The following PCDHA9 variants were observed in gnomAD, a reference collection of about 807,000 sequenced individuals.
PCDHA9 encodes the protein protocadherin alpha-9.
A neutral mutation model predicts 62.0 loss-of-function variants in PCDHA9; 62 were observed. That is an observed-to-expected ratio of 1.00 (90% CI 0.81 to 1.23). PCDHA9 has a LOEUF of 1.23. Ranked by LOEUF, PCDHA9 falls within the 50% of genes most tolerant of loss-of-function variation. The probability of loss-of-function intolerance (pLI) is 0.00; values close to 1 mark genes in which losing one functional copy is unlikely to be tolerated. For missense variants in PCDHA9, 1,205 were observed against 1,249.8 expected, an observed-to-expected ratio of 0.96 and a Z score of 0.54; for synonymous variants, 557 against 567.6, an observed-to-expected ratio of 0.98 and a Z score of 0.27.
chr5:140,892,218 T>C (rs182162644), intron 1 of PCDHA9, among the ~76,000 whole-genome samples: 23 of 152,308 alleles, frequency 1.5e-4, no homozygotes, highest in Admixed American at 1.4e-3. Context: ...ATTGTATCTT[T>C]ATGGTGTTTT....
chr5:140,964,133 G>A (rs2095812042), intron 1 of PCDHA9, among the ~76,000 whole-genome samples: 1 of 152,182 alleles, frequency 6.6e-6, no homozygotes, highest in African/African-American at 2.4e-5. Context: ...AACTAGTAAG[G>A]TTGGCAGGAG....
chr5:140,943,751 T>C (rs947548745), intron 1 of PCDHA9, among the ~76,000 whole-genome samples: 1 of 152,048 alleles, frequency 6.6e-6, no homozygotes, highest in South Asian at 2.1e-4. Flanking sequence ...CTAAAAGCAG[T>C]AGGAGATGTA....
At chr5:140,939,768 G>A (rs1241071492) in intron 1 of PCDHA9, among the ~76,000 whole-genome samples, 1 of 152,162 alleles carries the variant, frequency 6.6e-6, no homozygotes, top group Non-Finnish European at 1.5e-5. Context: ...TAGTATTTCA[G>A]GGTGTGAATG....
intron 1 of PCDHA9, chr5:140,875,267 C>A: frequency 1.7e-6 from 2 of 1,211,108 alleles, no homozygotes; most frequent in Non-Finnish European, 2.2e-6. Context: ...TGTCGCTCTA[C>A]ACTCAGAAGG....
At chr5:140,899,974 C>A (rs2067653485) in intron 1 of PCDHA9, among the ~76,000 whole-genome samples, 1 of 151,766 alleles carries the variant, frequency 6.6e-6, no homozygotes, top group Non-Finnish European at 1.5e-5. Context: ...TGCCCAGCTA[C>A]TTTTTTGATT....
At chr5:140,966,753 C>T in intron 1 of PCDHA9, 1 of 1,433,176 alleles carries the variant, frequency 7.0e-7, no homozygotes, top group South Asian at 1.5e-5. Context: ...CTGCCTCCGC[C>T]GCGGCCAGTG....
chr5:140,956,408 C>T (rs1192859348), intron 1 of PCDHA9, among the ~76,000 whole-genome samples: 1 of 152,122 alleles, frequency 6.6e-6, no homozygotes, highest in Non-Finnish European at 1.5e-5. Context: ...TTGAGATAAT[C>T]ATGTGGGTTT....
chr5:140,857,187 C>T (rs202051639), intron 1 of PCDHA9: 3 of 1,598,516 alleles, frequency 1.9e-6, no homozygotes, highest in Admixed American at 1.7e-5. Context: ...GATTCAGGAG[C>T]CAACGGACAG....
In PCDHA9 at chr5:140,850,781, G is replaced by A; in HGVS notation, c.2286G>A (p.Glu762=). The A allele has an allele frequency of 6.3e-7, 1 of 1,598,212 alleles. No homozygotes were observed. The highest frequency in any genetic ancestry group is 2.2e-5 in the East Asian group (1 of 44,858). Residue 762 remains glutamate (E), a synonymous_variant, in exon 1 of 4, where the codon GAG becomes GAA. Coordinates refer to ENST00000532602, the MANE Select transcript of PCDHA9 (RefSeq NM_031857.2). ...QQRRQRVCSG[E]GKQKTDLMAF... is the part of the protein sequence containing the mutation. Reference sequence around the variant, plus strand: ...GGAGGCAGAGGGTGTGCTCTGGCGAGGGTAAGCAGAAGACCGACCTCATGG... The same window carrying A: ...GGAGGCAGAGGGTGTGCTCTGGCGAAGGTAAGCAGAAGACCGACCTCATGG...
intron 1 of PCDHA9, chr5:140,870,246 C>A: frequency 6.2e-7 from 1 of 1,614,168 alleles, no homozygotes; most frequent in Non-Finnish European, 8.5e-7. Flanking sequence ...CAGGTGTCAA[C>A]GGACAGGTGA....
At chr5:140,991,356 T>C (rs574243681) in intron 3 of PCDHA9, among the ~76,000 whole-genome samples, 2 of 152,366 alleles carry the variant, frequency 1.3e-5, no homozygotes, top group Non-Finnish European at 2.9e-5. Flanking sequence ...AAAAGACTAT[T>C]TACTGTCTGA....
At chr5:140,873,973 T>C (rs1255024393) in intron 1 of PCDHA9, among the ~76,000 whole-genome samples, 2 of 152,224 alleles carry the variant, frequency 1.3e-5, no homozygotes. Flanking sequence ...TTTTTTAAAA[T>C]TAAAGTTCCT....
intron 3 of PCDHA9, among the ~76,000 whole-genome samples, chr5:141,007,029 T>C (rs2098299696): frequency 6.6e-6 from 1 of 152,154 alleles, no homozygotes; most frequent in Non-Finnish European, 1.5e-5. Context: ...ATATGGTATT[T>C]ATATCTATGG....
intron 1 of PCDHA9, among the ~76,000 whole-genome samples, chr5:140,933,649 T>G (rs1259214104): frequency 6.6e-6 from 1 of 152,058 alleles, no homozygotes; most frequent in Non-Finnish European, 1.5e-5. Flanking sequence ...AAGTTGGAAA[T>G]CCTGTCTCTC....
At chr5:141,006,073 T>G (rs2098254106) in intron 3 of PCDHA9, among the ~76,000 whole-genome samples, 1 of 151,712 alleles carries the variant, frequency 6.6e-6, no homozygotes, top group Non-Finnish European at 1.5e-5. Context: ...AAAAATCAGA[T>G]TATTGAAGGG....
At position 141,003,207 on chromosome 5, in the gene PCDHA9, T is replaced by C. The variant is rs141066841; in HGVS notation, c.2543-6420T>C. On this transcript the variant is annotated intron_variant, in intron 3 of 3. Coordinates refer to ENST00000532602, the MANE Select transcript of PCDHA9 (RefSeq NM_031857.2). Reference sequence around the variant, plus strand: ...CATCAACTCAGGCAGCCAGGGTTAGTTTAGCATGAAAGAGGAAAGCTGGAA... The same window carrying C: ...CATCAACTCAGGCAGCCAGGGTTAGCTTAGCATGAAAGAGGAAAGCTGGAA... Among the ~76,000 whole-genome samples the C allele has an allele frequency of 6.3e-3, 959 of 152,338 alleles. 16 individuals carry two copies. The highest frequency in any genetic ancestry group is 0.021 in the African/African-American group (892 of 41,582).
chr5:140,886,956 A>T (rs1007882657), intron 1 of PCDHA9, among the ~76,000 whole-genome samples: 1 of 152,090 alleles, frequency 6.6e-6, no homozygotes, highest in Non-Finnish European at 1.5e-5. Context: ...TTAGACATTT[A>T]GCAACGAAAT....
At chr5:140,930,175 G>A (rs1554207630) in intron 1 of PCDHA9, 2 of 152,134 alleles carry the variant, frequency 1.3e-5, no homozygotes, top group African/African-American at 4.8e-5. Context: ...TTACAAAGAG[G>A]AAAGATGAGT....
intron 1 of PCDHA9, chr5:140,928,844 C>T (rs782361945): frequency 1.2e-6 from 2 of 1,614,168 alleles, no homozygotes; most frequent in Non-Finnish European, 1.7e-6. Flanking sequence ...TCCTCTGTCA[C>T]TCTGGGTGTG....
Sources: allele counts gnomAD v4.1 joint callset (sites outside exome capture counted in the v4.1 genomes callset), GRCh38; gene constraint gnomAD v4.1.1; transcripts MANE v1.5; gene names NCBI Gene and HGNC (gene_info 2026-07-23, HGNC 2026-07-21).